Variants in VAC14 observed in about 807,000 individuals in gnomAD.
VAC14 encodes the protein VAC14 component of PIKFYVE complex, also known as protein VAC14 homolog.
VAC14 carries 47 observed loss-of-function variants against 85.3 expected under a neutral mutation model. The observed-to-expected ratio is 0.55, with a 90% CI of 0.44 to 0.70. The LOEUF is 0.70. Among genes scored for constraint, VAC14 ranks in the 30% least tolerant of loss-of-function variants. VAC14 has a pLI of 0.00. For synonymous variants in VAC14, 447 were observed against 430.5 expected (o/e 1.04, Z -0.47); for missense variants, 861 against 1,004.3 (o/e 0.86, Z 1.93).
intron 12 of VAC14, among the ~76,000 whole-genome samples, chr16:70,750,175 C>T (rs1185162163): frequency 6.6e-6 from 1 of 152,252 alleles, no homozygotes; most frequent in African/African-American, 2.4e-5. Context: ...ACTCCTGCCT[C>T]AGCTTCCAGG....
chr16:70,697,130 G>T lies in VAC14; in HGVS notation c.1955+9C>A. 6.2e-7 allele frequency: 1 copy of T among 1,608,362 alleles called. No homozygotes were observed. The highest frequency in any genetic ancestry group is 8.5e-7 in the Non-Finnish European group (1 of 1,175,116). On this transcript the variant is annotated intron_variant, in intron 16 of 18. Coordinates refer to ENST00000261776, the MANE Select transcript of VAC14 (RefSeq NM_018052.5). Reference sequence around the variant, plus strand: ...GGCTCAACCCCAACCACAGTGAGAGGAAGGATACAACTTCTGGATGAGGTC... The same window carrying T: ...GGCTCAACCCCAACCACAGTGAGAGTAAGGATACAACTTCTGGATGAGGTC...
At chr16:70,781,514 C>A (rs753225798) in intron 8 of VAC14, among the ~76,000 whole-genome samples, 14 of 152,226 alleles carry the variant, frequency 9.2e-5, no homozygotes, top group Admixed American at 3.9e-4. Context: ...CATACTGGTG[C>A]CCCTGTGAAA....
At chr16:70,781,066 T>A in intron 8 of VAC14, 127 bp from the exon 9 acceptor site, 3 of 1,352,306 alleles carry the variant, frequency 2.2e-6, no homozygotes, top group South Asian at 2.5e-5. Flanking sequence ...TGGGGGTGGA[T>A]CCCTCACAAA....
chr16:70,778,040 A>G (rs1303949921), intron 9 of VAC14, among the ~76,000 whole-genome samples: 3 of 152,210 alleles, frequency 2.0e-5, no homozygotes, highest in Non-Finnish European at 2.9e-5. Flanking sequence ...AGCTCTTACC[A>G]TCTCTGGGAA....
intron 9 of VAC14, among the ~76,000 whole-genome samples, chr16:70,780,579 T>C (rs546904042): frequency 6.6e-6 from 1 of 152,268 alleles, no homozygotes; most frequent in East Asian, 1.9e-4. Context: ...TAGCTGCGAG[T>C]GTGTGGCCAT....
chr16:70,756,102 C>G (rs1373754829), intron 12 of VAC14: 1 of 456,792 alleles, frequency 2.2e-6, no homozygotes, highest in Non-Finnish European at 4.4e-6. Context: ...GGGAGTACAT[C>G]TGTGGACCGG....
At position 70,731,327 on chromosome 16, in the gene VAC14, G is replaced by C. The variant is rs2290615; in HGVS notation, c.1661+168C>G. The C allele has an allele frequency of 1.6e-3, 2,379 of 1,461,754 alleles. 55 individuals are homozygous for C. The East Asian group carries it at 0.049, about 30-fold the overall frequency. 90.5% of individuals were successfully genotyped at this position (1,461,754 alleles called of 1,614,324 possible). On this transcript the variant is annotated intron_variant, in intron 14 of 18. Coordinates refer to ENST00000261776, the MANE Select transcript of VAC14 (RefSeq NM_018052.5). ...TGTCTGTTTCATGTCAGAAGCATCA[G>C]CAACCAGTATGAAGGGGCAACCTTC...
At chr16:70,768,455 C>T (rs2143131073) in intron 10 of VAC14, 1 of 187,884 alleles carries the variant, frequency 5.3e-6, no homozygotes, top group East Asian at 1.8e-4. Flanking sequence ...CGGGTTCCTT[C>T]ACGTTCCACC....
intron 13 of VAC14, among the ~76,000 whole-genome samples, chr16:70,733,075 C>T (rs567721545): frequency 1.3e-5 from 2 of 152,330 alleles, no homozygotes; most frequent in East Asian, 1.9e-4. Flanking sequence ...GCAGCCATCA[C>T]CACTAATTTC....
intron 15 of VAC14, among the ~76,000 whole-genome samples, chr16:70,697,874 G>T (rs1301785652): frequency 6.6e-6 from 1 of 152,194 alleles, no homozygotes; most frequent in Admixed American, 6.5e-5. Context: ...TATCCCCGAG[G>T]CTCCTGGGGA....
intron 1 of VAC14, among the ~76,000 whole-genome samples, chr16:70,795,249 G>A (rs544830256): frequency 2.0e-5 from 3 of 152,228 alleles, no homozygotes; most frequent in South Asian, 2.1e-4. Flanking sequence ...GGTGGATCAC[G>A]AGGTCAGGAG....
At position 70,789,508 on chromosome 16, in the gene VAC14, C is replaced by T. The variant is rs527840372; in HGVS notation, c.105-3143G>A. ...CGCACACAGCTGCTCACATCTGGGG[C>T]ATTGGTGGTTCAGTGGTAGAATTCT... On this transcript the variant is annotated intron_variant, in intron 1 of 18. Coordinates refer to ENST00000261776, the MANE Select transcript of VAC14 (RefSeq NM_018052.5). Among the ~76,000 whole-genome samples, 13 of 152,290 alleles carry T rather than the reference C, an allele frequency of 8.5e-5. No individual in the cohort carries two copies. The South Asian group carries it at 1.7e-3, about 19-fold the overall frequency.
At chr16:70,697,287 A>G (rs1407117374) in intron 15 of VAC14, 30 bp from the exon 16 acceptor site, 3 of 1,580,734 alleles carry the variant, frequency 1.9e-6, no homozygotes, top group Non-Finnish European at 2.6e-6. Context: ...AGCCGTGAGG[A>G]CACGCCTGCT....
intron 13 of VAC14, 113 bp downstream of exon 13, chr16:70,744,310 T>A (rs1019125644): frequency 4.2e-5 from 60 of 1,441,216 alleles, no homozygotes; most frequent in Non-Finnish European, 5.4e-5. Flanking sequence ...CCTCACACCC[T>A]GGCAGAGCTC....
rs771375946 is a variant in VAC14 at position 70,687,944 on chromosome 16, C to T, written c.2333G>A (p.Arg778Gln). The T allele has an allele frequency of 2.6e-5, 41 of 1,563,284 alleles. No individual in the cohort carries two copies. The highest frequency in any genetic ancestry group is 2.2e-4 in the Middle Eastern group (1 of 4,590). Residue 778 changes from arginine to glutamine, a missense_variant, in exon 19 of 19, where the codon CGG becomes CAG. Transcript: ENST00000261776. Reference protein sequence around the residue: ...QRSGRGDHLDRRVVL With the variant: ...QRSGRGDHLDQRVVL The stretch of plus-strand genomic sequence containing the variant: ...CCAGGCCTGTCAGAGGACAACCCTC[C>T]GGTCCAGGTGGTCCCCACGCCCGCT...
intron 14 of VAC14, among the ~76,000 whole-genome samples, chr16:70,717,184 C>G (rs1449364949): frequency 9.9e-5 from 15 of 152,252 alleles, no homozygotes; most frequent in Admixed American, 9.8e-4. Flanking sequence ...CAATCAGCAC[C>G]AGCGCACTCT....
In VAC14 at chr16:70,717,718, C is replaced by T. The variant is rs142421080; in HGVS notation, c.1661+13777G>A. Reference sequence around the variant, plus strand: ...TCACCCAGGCTGGAGTGCAGTGGCACGATCTCAGCTCACTGCAACCTCTGC... The same window carrying T: ...TCACCCAGGCTGGAGTGCAGTGGCATGATCTCAGCTCACTGCAACCTCTGC... On this transcript the variant is annotated intron_variant, in intron 14 of 18. Transcript: ENST00000261776. Among the ~76,000 whole-genome samples the T allele has an allele frequency of 7.4e-4, 112 of 152,266 alleles. 1 individual carries two copies. In the East Asian group the frequency reaches 0.019, roughly 26 times the overall value.
intron 13 of VAC14, among the ~76,000 whole-genome samples, chr16:70,741,574 C>G (rs1454627033): frequency 6.6e-6 from 1 of 152,230 alleles, no homozygotes; most frequent in Non-Finnish European, 1.5e-5. Flanking sequence ...GTTAAGAGCT[C>G]CTGGCCCAGA....
At chr16:70,777,648 G>T (rs1156597340) in intron 9 of VAC14, among the ~76,000 whole-genome samples, 1 of 152,220 alleles carries the variant, frequency 6.6e-6, no homozygotes, top group African/African-American at 2.4e-5. Flanking sequence ...CACAGATGAG[G>T]GGCTGCCCTG....
Sources: gnomAD v4.1 joint callset for allele counts (sites outside exome capture counted in the v4.1 genomes callset) on GRCh38, gnomAD v4.1.1 for gene constraint, MANE v1.5 for transcripts, NCBI Gene and HGNC (gene_info 2026-07-23, HGNC 2026-07-21) for gene names.